ZNF385D: variants seen among roughly 807,000 people sequenced by gnomAD.
ZNF385D encodes zinc finger protein 385D.
A neutral mutation model predicts 35.8 loss-of-function variants in ZNF385D; 15 were observed. That is an observed-to-expected ratio of 0.42 (90% CI 0.28 to 0.64). ZNF385D has a LOEUF of 0.64. ZNF385D is among the 30% of genes least tolerant of loss of function. ZNF385D has a pLI of 0.23. For synonymous variants in ZNF385D, 212 were observed against 186.8 expected (o/e 1.13, Z -1.10); for missense variants, 474 against 494.6 (o/e 0.96, Z 0.39).
chr3:22,239,981 A>T (rs1023726611), intron 2 of ZNF385D, among the ~76,000 whole-genome samples: 15 of 149,860 alleles, frequency 1.0e-4, no homozygotes, highest in African/African-American at 3.5e-4. Context: ...GTTCAAAATC[A>T]GTCTGGGCAA....
intron 2 of ZNF385D, among the ~76,000 whole-genome samples, chr3:22,214,471 G>A (rs965524017): frequency 7.2e-5 from 11 of 152,178 alleles, no homozygotes; most frequent in Middle Eastern, 3.4e-3. Context: ...AACTCTGACC[G>A]CCGCTGAGCC....
At chr3:21,765,101 A>G (rs2070770238) in intron 3 of ZNF385D, among the ~76,000 whole-genome samples, 1 of 152,088 alleles carries the variant, frequency 6.6e-6, no homozygotes, top group Admixed American at 6.6e-5. Context: ...CTTTATAAGT[A>G]CAGTAGTATT....
At chr3:21,527,189 A>G (rs1022690260) in intron 3 of ZNF385D, among the ~76,000 whole-genome samples, 2 of 152,186 alleles carry the variant, frequency 1.3e-5, no homozygotes, top group Non-Finnish European at 2.9e-5. Flanking sequence ...CTCAGTATCT[A>G]TTTGTTGAAT....
intron 3 of ZNF385D, among the ~76,000 whole-genome samples, chr3:21,980,633 G>A (rs564766021): frequency 6.6e-6 from 1 of 152,184 alleles, no homozygotes; most frequent in Admixed American, 6.5e-5. Context: ...ACATGTCCCA[G>A]GGGTTTGTTG....
chr3:22,132,450 G>C (rs1025003956), intron 3 of ZNF385D, among the ~76,000 whole-genome samples: 2 of 152,104 alleles, frequency 1.3e-5, no homozygotes, highest in Non-Finnish European at 1.5e-5. Flanking sequence ...AACACACTAA[G>C]ACAAATGATA....
intron 3 of ZNF385D, among the ~76,000 whole-genome samples, chr3:21,926,630 A>G (rs1210821544): frequency 6.6e-6 from 1 of 152,104 alleles, no homozygotes; most frequent in African/African-American, 2.4e-5. Context: ...GCTTCCTTAC[A>G]CCTTATACAA....
intron 3 of ZNF385D, among the ~76,000 whole-genome samples, chr3:21,939,561 T>C (rs923330305): frequency 1.3e-5 from 2 of 152,204 alleles, no homozygotes; most frequent in South Asian, 4.1e-4. Flanking sequence ...TCAAGCCCTG[T>C]TGAGCTCCTA....
intron 2 of ZNF385D, among the ~76,000 whole-genome samples, chr3:22,317,280 CAAAAAAAAAAAAAAAAA>C (rs59675675): frequency 7.7e-5 from 2 of 26,098 alleles, no homozygotes; most frequent in Non-Finnish European, 1.3e-4. Context: ...ACTCCATCTC[CAAAAAAAAAAAAAAAAA>C]AAAAAAAAGG....
chr3:21,515,132 A>G (rs764832343), intron 3 of ZNF385D, among the ~76,000 whole-genome samples: 2 of 152,210 alleles, frequency 1.3e-5, no homozygotes, highest in Non-Finnish European at 2.9e-5. Context: ...GTAGATAAAA[A>G]TAAGTCTTAA....
intron 2 of ZNF385D, among the ~76,000 whole-genome samples, chr3:22,278,361 G>C (rs1241426779): frequency 6.6e-6 from 1 of 151,978 alleles, no homozygotes; most frequent in Non-Finnish European, 1.5e-5. Flanking sequence ...AGAAGTCTTT[G>C]GTAATTGATT....
At chr3:22,227,864 T>C (rs2125291943) in intron 2 of ZNF385D, among the ~76,000 whole-genome samples, 1 of 152,320 alleles carries the variant, frequency 6.6e-6, no homozygotes, top group South Asian at 2.1e-4. Context: ...CTGAGCTGCT[T>C]CTCTGGGCAT....
At chr3:22,272,458 C>A (rs530127870) in intron 2 of ZNF385D, among the ~76,000 whole-genome samples, 62 of 151,952 alleles carry the variant, frequency 4.1e-4, no homozygotes, top group Non-Finnish European at 7.5e-4. Flanking sequence ...GTTGACTGAC[C>A]AAGATTTAAT....
In ZNF385D at chr3:22,161,381, T is replaced by C. The variant is rs569932821; in HGVS notation, c.325+7436A>G. 2.0e-5 allele frequency among the ~76,000 whole-genome samples: 3 copies of C among 152,222 alleles called. No individual in the cohort carries two copies. The East Asian group carries it at 5.8e-4, about 29-fold the overall frequency. On this transcript the variant is annotated intron_variant, in intron 3 of 5. Transcript: ENST00000494108. The stretch of plus-strand genomic sequence containing the variant: ...TACATTAATACATTTGTATGCAGTA[T>C]ATATTAAACCATTTTATAACAGCAG...
At chr3:21,716,526 T>G (rs1276242687) in intron 1 of ZNF385D, among the ~76,000 whole-genome samples, 1 of 152,128 alleles carries the variant, frequency 6.6e-6, no homozygotes, top group East Asian at 1.9e-4. Flanking sequence ...ACTTCCACAA[T>G]GACTATGAAT....
At chr3:21,779,870 T>C (rs1451562908) in intron 3 of ZNF385D, among the ~76,000 whole-genome samples, 2 of 151,964 alleles carry the variant, frequency 1.3e-5, no homozygotes, top group Non-Finnish European at 2.9e-5. Context: ...CTTTTTGTGG[T>C]CCTCACTATA....
chr3:21,505,582 C>T (rs1424494640), intron 4 of ZNF385D, among the ~76,000 whole-genome samples: 1 of 152,074 alleles, frequency 6.6e-6, no homozygotes. Flanking sequence ...CACTGACCAC[C>T]AGACATTGCC....
intron 5 of ZNF385D, among the ~76,000 whole-genome samples, chr3:21,432,276 T>G (rs1701326737): frequency 6.6e-6 from 1 of 152,172 alleles, no homozygotes; most frequent in Non-Finnish European, 1.5e-5. Flanking sequence ...CTTATCCTTC[T>G]TTTTTACATT....
At chr3:22,166,354 A>G (rs1049148538) in intron 3 of ZNF385D, among the ~76,000 whole-genome samples, 1 of 152,206 alleles carries the variant, frequency 6.6e-6, no homozygotes, top group African/African-American at 2.4e-5. Context: ...TTTAATTTTT[A>G]AATGTTCTCC....
At chr3:22,268,320 G>T (rs907414855) in intron 2 of ZNF385D, among the ~76,000 whole-genome samples, 3 of 151,828 alleles carry the variant, frequency 2.0e-5, no homozygotes, top group African/African-American at 7.3e-5. Context: ...TTATATAATT[G>T]CAATAAATGT....
Sources: allele counts gnomAD v4.1 joint callset (sites outside exome capture counted in the v4.1 genomes callset), GRCh38; gene constraint gnomAD v4.1.1; transcripts MANE v1.5; gene names NCBI Gene and HGNC (gene_info 2026-07-23, HGNC 2026-07-21).